ANKRD12: variants seen among roughly 807,000 people sequenced by gnomAD.
The protein encoded by ANKRD12 is ankyrin repeat domain-containing protein 12.
ANKRD12 carries 85 observed loss-of-function variants against 183.4 expected under a neutral mutation model. The ratio of observed to expected loss-of-function variants is 0.46; its 90% CI spans 0.39 to 0.56. The LOEUF (loss-of-function observed/expected upper bound fraction) is 0.56. ANKRD12 is among the 20% of genes least tolerant of loss of function. The probability of loss-of-function intolerance (pLI) is 0.00; values close to 1 mark genes in which losing one functional copy is unlikely to be tolerated. For missense variants in ANKRD12, 2,405 were observed against 2,357.1 expected, an observed-to-expected ratio of 1.02 and a Z score of -0.42; for synonymous variants, 914 against 800.2, an observed-to-expected ratio of 1.14 and a Z score of -2.40.
At chr18:9,276,726 A>C (rs1396016626) in intron 11 of ANKRD12, among the ~76,000 whole-genome samples, 3 of 151,050 alleles carry the variant, frequency 2.0e-5, no homozygotes, top group Admixed American at 6.8e-5. Context: ...AAAAAACAAA[A>C]AAAAAACTTT....
intron 7 of ANKRD12, among the ~76,000 whole-genome samples, chr18:9,218,184 CAA>C (rs2036217809): frequency 6.6e-6 from 1 of 152,166 alleles, no homozygotes; most frequent in Non-Finnish European, 1.5e-5. Context: ...TCTGTGAACA[CAA>C]GTTTCTAAAT....
intron 1 of ANKRD12, among the ~76,000 whole-genome samples, chr18:9,138,285 G>A (rs767673288): frequency 1.3e-5 from 2 of 152,196 alleles, no homozygotes; most frequent in Non-Finnish European, 2.9e-5. Context: ...GGCCGACGTG[G>A]GTAGATCACC....
chr18:9,139,980 G>C (rs2078261628), intron 1 of ANKRD12, among the ~76,000 whole-genome samples: 1 of 152,174 alleles, frequency 6.6e-6, no homozygotes, highest in African/African-American at 2.4e-5. Context: ...GTTGTGGAAA[G>C]AACATTGAAA....
intron 8 of ANKRD12, among the ~76,000 whole-genome samples, chr18:9,240,286 C>T (rs1038315273): frequency 1.3e-5 from 2 of 152,118 alleles, no homozygotes; most frequent in Non-Finnish European, 2.9e-5. Context: ...TTTAAATTTG[C>T]ATAATTCTTT....
intron 1 of ANKRD12, among the ~76,000 whole-genome samples, chr18:9,153,452 A>C (rs2029902402): frequency 6.6e-6 from 1 of 152,000 alleles, no homozygotes; most frequent in East Asian, 1.9e-4. Flanking sequence ...TTTCGTTGTA[A>C]TGTGTCTGTG....
At position 9,258,455 on chromosome 18, in the gene ANKRD12, CA is replaced by C; in HGVS notation, c.5191del (p.Ile1731SerfsTer5). On this transcript the variant is annotated frameshift_variant, in exon 9 of 13. Coordinates refer to ENST00000262126, the MANE Select transcript of ANKRD12 (RefSeq NM_015208.5). LOFTEE classifies it high-confidence loss of function. ...ENAEDDKTENQIPQRMTRNKA... is the reference protein window; with the variant it reads ...ENAEDDKTENXIPQRMTRNKA... ...TGCCGAAGATGATAAAACTGAAAACCAAATCCCTCAAAGAATGACTAGAAAC... is the reference window on the plus strand; with the variant it reads ...TGCCGAAGATGATAAAACTGAAAACCAATCCCTCAAAGAATGACTAGAAAC... 6.2e-7 allele frequency: 1 copy of C among 1,613,646 alleles called. No homozygotes were observed. The highest frequency in any genetic ancestry group is 8.5e-7 in the Non-Finnish European group (1 of 1,179,930).
Position 9,257,681 on chromosome 18 carries a change from G to C in ANKRD12, c.4414G>C (p.Glu1472Gln). The C allele has an allele frequency of 6.2e-7, 1 of 1,614,028 alleles. No homozygotes were observed. Among genetic ancestry groups the C allele is most frequent in the East Asian group, 2.2e-5 (1 of 44,882 alleles). Reference sequence around the variant, plus strand: ...TGATTTTTTATCCCTGCGCCAGACTGAACTGCCAGGAAACTCTTGTGCTCA... The same window carrying C: ...TGATTTTTTATCCCTGCGCCAGACTCAACTGCCAGGAAACTCTTGTGCTCA... ...NADFLSLRQTELPGNSCAQDP... is the reference protein window; with the variant it reads ...NADFLSLRQTQLPGNSCAQDP... Residue 1472 changes from glutamate (E) to glutamine (Q), a missense_variant, in exon 9 of 13, where the codon GAA becomes CAA. By Grantham distance (29) the Glu-to-Gln change is conservative (BLOSUM62 2). Transcript: ENST00000262126.
At position 9,258,462 on chromosome 18, in the gene ANKRD12, C is replaced by G. The variant is rs756983904; in HGVS notation, c.5195C>G (p.Pro1732Arg). 1 of 1,613,564 alleles carries G rather than the reference C, an allele frequency of 6.2e-7. No individual in the cohort carries two copies. Residue 1732 changes from proline to arginine, a missense_variant, in exon 9 of 13, where the codon CCT (proline) becomes CGT (arginine). Coordinates refer to ENST00000262126, the MANE Select transcript of ANKRD12 (RefSeq NM_015208.5). ...GATGATAAAACTGAAAACCAAATCC[C>G]TCAAAGAATGACTAGAAACAAAGCA... ...AEDDKTENQI[P>R]QRMTRNKANT...
At chr18:9,195,425 A>G (rs1163262900) in intron 2 of ANKRD12, 126 bp from the exon 3 acceptor site, 1 of 513,370 alleles carries the variant, frequency 1.9e-6, no homozygotes, top group African/African-American at 2.0e-5. Flanking sequence ...GGTCTTGAGT[A>G]CATTGAATAC....
intron 11 of ANKRD12, among the ~76,000 whole-genome samples, chr18:9,277,171 A>G (rs1402632585): frequency 6.6e-6 from 1 of 152,118 alleles, no homozygotes; most frequent in Non-Finnish European, 1.5e-5. Context: ...TAAAAATTTC[A>G]AAGCCTGGCA....
chr18:9,262,306 A>G (rs1261863901), intron 9 of ANKRD12, among the ~76,000 whole-genome samples: 3 of 152,236 alleles, frequency 2.0e-5, no homozygotes, highest in Non-Finnish European at 2.9e-5. Flanking sequence ...TTGCCAAAAC[A>G]TGCTAAGATA....
chr18:9,243,872 C>T (rs1360319223), intron 8 of ANKRD12, among the ~76,000 whole-genome samples: 1 of 152,214 alleles, frequency 6.6e-6, no homozygotes, highest in Non-Finnish European at 1.5e-5. Flanking sequence ...CGGTGGCCCA[C>T]GCCTGTAATC....
In ANKRD12 at chr18:9,163,845, A is replaced by G. The variant is rs370491540; in HGVS notation, c.-51-18537A>G. On this transcript the variant is annotated intron_variant, in intron 1 of 12. Coordinates refer to ENST00000262126, the MANE Select transcript of ANKRD12 (RefSeq NM_015208.5). ...CGCTCTGCTTGCCTGTTGTTGCTGT[A>G]TAGGAATGGTAGTGATTATTGCACA... Among the ~76,000 whole-genome samples, 6 of 152,182 alleles carry G rather than the reference A, an allele frequency of 3.9e-5. No individual in the cohort carries two copies. In the South Asian group the frequency reaches 1.2e-3, roughly 31 times the overall value.
Position 9,285,174 on chromosome 18 carries a change from A to G in ANKRD12, c.*4048A>G, listed in dbSNP as rs1464306628. On this transcript the variant is annotated 3_prime_UTR_variant, in exon 13 of 13. Coordinates refer to ENST00000262126, the MANE Select transcript of ANKRD12 (RefSeq NM_015208.5). ...CAGTGAGCCGAGATCGTGCCACTGCACTCCAGCCTGGGCGACAGAGCGAGA... is the reference window on the plus strand; with the variant it reads ...CAGTGAGCCGAGATCGTGCCACTGCGCTCCAGCCTGGGCGACAGAGCGAGA... 2 of 151,060 alleles carry G rather than the reference A, an allele frequency of 1.3e-5. No individual in the cohort carries two copies. The highest frequency in any genetic ancestry group is 6.6e-5 in the Admixed American group (1 of 15,076). The allele number at this position is 151,060 out of a possible 1,614,324, so 9.4% of individuals were successfully genotyped here. A position where few individuals can be genotyped will look rare whatever the true frequency, so the allele number is the denominator to read the frequency against.
Position 9,273,239 on chromosome 18 carries a change from T to C in ANKRD12, c.5764-2285T>C, listed in dbSNP as rs146165146. Among the ~76,000 whole-genome samples, 389 of 152,292 alleles carry C rather than the reference T, an allele frequency of 2.6e-3. 3 individuals carry two copies. Among genetic ancestry groups the C allele is most frequent in the African/African-American group, 9.0e-3 (374 of 41,556 alleles). ...AGCTGGACCCCAGGAATTCTCAGTT[T>C]GCTAAATGCAGAAGATTGCCTAGGT... is the stretch of plus-strand genomic sequence containing the variant. On this transcript the variant is annotated intron_variant, in intron 10 of 12. Transcript: ENST00000262126.
intron 7 of ANKRD12, 21 bp downstream of exon 7, chr18:9,216,921 T>C (rs1323543940): frequency 6.2e-7 from 1 of 1,606,380 alleles, no homozygotes; most frequent in South Asian, 1.1e-5. Flanking sequence ...TAGAAAAAAA[T>C]CAATAATACA....
Position 9,258,063 on chromosome 18 carries a change from A to G in ANKRD12, c.4796A>G (p.Gln1599Arg), listed in dbSNP as rs899145296. The G allele has an allele frequency of 6.2e-7, 1 of 1,613,426 alleles. No homozygotes were observed. The highest frequency in any genetic ancestry group is 8.5e-7 in the Non-Finnish European group (1 of 1,179,972). ...TTTAATGGAAGTGATGCCTCTACCC[A>G]GCTAAATACACATTATGCATTTAGC... The part of the protein sequence containing the change: ...KDFNGSDAST[Q>R]LNTHYAFSKL... Residue 1599 changes from glutamine (Q) to arginine (R), a missense_variant, in exon 9 of 13, where the codon CAG becomes CGG. This residue lies in a region of ANKRD12 where 1,983 missense variants were observed against 1,725.9 expected (regional missense o/e 1.15). Transcript: ENST00000262126.
At chr18:9,177,844 T>C (rs2033396800) in intron 1 of ANKRD12, among the ~76,000 whole-genome samples, 1 of 152,240 alleles carries the variant, frequency 6.6e-6, no homozygotes, top group Non-Finnish European at 1.5e-5. Flanking sequence ...TTAATTTTCC[T>C]GGTGACTAAT....
chr18:9,252,473 A>G (rs1008125957), intron 8 of ANKRD12, among the ~76,000 whole-genome samples: 7 of 152,170 alleles, frequency 4.6e-5, no homozygotes, highest in African/African-American at 1.7e-4. Flanking sequence ...CACTTTCATC[A>G]TGGACATTAG....
Sources: allele counts gnomAD v4.1 joint callset (sites outside exome capture counted in the v4.1 genomes callset), GRCh38; gene constraint gnomAD v4.1.1; regional missense constraint gnomAD v4.1.1; transcripts MANE v1.5; gene names NCBI Gene and HGNC (gene_info 2026-07-23, HGNC 2026-07-21).